RPH3AL: variants seen among roughly 807,000 people sequenced by gnomAD.
The protein encoded by RPH3AL is rabphilin 3A like (without C2 domains).
In RPH3AL, 38 loss-of-function variants were observed where a neutral mutation model predicts 43.1. That is an observed-to-expected ratio of 0.88 (90% CI 0.68 to 1.15). RPH3AL has a LOEUF of 1.15. Ranked by LOEUF, RPH3AL falls within the 50% of genes most tolerant of loss-of-function variation. The pLI is 0.00. For synonymous variants in RPH3AL, 189 were observed against 176.3 expected, an observed-to-expected ratio of 1.07 and a Z score of -0.57; for missense variants, 462 against 423.2, an observed-to-expected ratio of 1.09 and a Z score of -0.81.
At chr17:281,563 T>G (rs1655098885) in intron 6 of RPH3AL, among the ~76,000 whole-genome samples, 1 of 151,878 alleles carries the variant, frequency 6.6e-6, no homozygotes, top group Admixed American at 6.6e-5. Context: ...CCACAGGCTG[T>G]CCCTCCGTGC....
At chr17:338,783 A>C (rs1454575368) in intron 1 of RPH3AL, 2 of 152,248 alleles carry the variant, frequency 1.3e-5, no homozygotes, top group African/African-American at 4.8e-5. Flanking sequence ...CCACCTGGGA[A>C]CTGCTTGTTG....
chr17:337,547 T>C (rs1375645222), intron 1 of RPH3AL, among the ~76,000 whole-genome samples: 1 of 152,238 alleles, frequency 6.6e-6, no homozygotes, highest in Non-Finnish European at 1.5e-5. Flanking sequence ...CTTTCTTGCC[T>C]GTGTGCTTTG....
At chr17:257,683 C>T (rs1262841841) in intron 6 of RPH3AL, among the ~76,000 whole-genome samples, 4 of 45,718 alleles carry the variant, frequency 8.7e-5, no homozygotes, top group Non-Finnish European at 1.3e-4. Flanking sequence ...TGTCCTTTTC[C>T]GTCCCTAGGA....
chr17:344,106 T>G (rs1269838700), intron 1 of RPH3AL, among the ~76,000 whole-genome samples: 1 of 131,182 alleles, frequency 7.6e-6, no homozygotes, highest in African/African-American at 2.6e-5. Context: ...ACCATCATAT[T>G]CACCTCCAGT....
At position 215,644 on chromosome 17, in the gene RPH3AL, G is replaced by A. The variant is rs2040779081; in HGVS notation, c.876+10C>T. 7.9e-7 allele frequency: 1 copy of A among 1,273,556 alleles called. No individual in the cohort carries two copies. The highest frequency in any genetic ancestry group is 1.0e-6 in the Non-Finnish European group (1 of 1,005,010). The allele number at this position is 1,273,556 out of a possible 1,614,324, so 78.9% of individuals were successfully genotyped here. A position where few individuals can be genotyped will look rare whatever the true frequency, so the allele number is the denominator to read the frequency against. ...CAGGAGAGGGGAGAAGGCAGCAGTTGGGTACTCACCGGGGCCCTTCGGGTC... is the reference window on the plus strand; with the variant it reads ...CAGGAGAGGGGAGAAGGCAGCAGTTAGGTACTCACCGGGGCCCTTCGGGTC... On this transcript the variant is annotated intron_variant, in intron 9 of 9. Transcript: ENST00000331302. The surrounding 1 kb of genome is among the most constrained non-coding windows in gnomAD (Gnocchi z 4.1).
At chr17:335,280 G>A (rs1040510902) in intron 1 of RPH3AL, among the ~76,000 whole-genome samples, 7 of 152,172 alleles carry the variant, frequency 4.6e-5, no homozygotes, top group Non-Finnish European at 8.8e-5. Flanking sequence ...ACAGTGGGAA[G>A]GAGGCGGCGG....
At chr17:252,427 G>C (rs77722710) in intron 6 of RPH3AL, among the ~76,000 whole-genome samples, 4,273 of 152,232 alleles carry the variant, frequency 0.028, 87 homozygotes, top group South Asian at 0.092. Flanking sequence ...CATTGCCTGG[G>C]AAAACACACT....
Position 225,115 on chromosome 17 carries a change from G to GAAA in RPH3AL, c.614-5382_614-5380dup, listed in dbSNP as rs34369453. On this transcript the variant is annotated intron_variant, in intron 7 of 9. Transcript: ENST00000331302. The surrounding 1 kb of genome is among the most constrained non-coding windows in gnomAD (Gnocchi z 4.4). ...GTACCCTAGAACTTAAAATATAATG[G>GAAA]AAAAAAAAAAAAAAAGAGTGATGAG... is the stretch of plus-strand genomic sequence containing the variant. Among the ~76,000 whole-genome samples the GAAA allele has an allele frequency of 0.073, 10,208 of 139,016 alleles. 483 individuals are homozygous for GAAA. The highest frequency in any genetic ancestry group is 0.11 in the Non-Finnish European group (7,100 of 64,580). The allele number at this position is 139,016 out of a possible 152,430, so 91.2% of individuals were successfully genotyped here. A position where few individuals can be genotyped will look rare whatever the true frequency, so the allele number is the denominator to read the frequency against.
At chr17:298,954 G>A (rs568703967) in intron 5 of RPH3AL, among the ~76,000 whole-genome samples, 77 of 152,072 alleles carry the variant, frequency 5.1e-4, no homozygotes, top group African/African-American at 1.6e-3. Context: ...TTTCACTCAC[G>A]CTGCTCAAGT....
chr17:236,005 G>A (rs111502633), intron 7 of RPH3AL, among the ~76,000 whole-genome samples: 1 of 104,466 alleles, frequency 9.6e-6, no homozygotes, highest in Admixed American at 8.6e-5. Flanking sequence ...GGGTCCATGG[G>A]TCAAAGCTGG....
intron 6 of RPH3AL, among the ~76,000 whole-genome samples, chr17:248,948 G>C: frequency 6.6e-6 from 1 of 152,104 alleles, no homozygotes; most frequent in Non-Finnish European, 1.5e-5. Flanking sequence ...CGAGGCTGAG[G>C]GAGAGCCAGG....
chr17:224,926 G>A (rs2041071801), intron 7 of RPH3AL, among the ~76,000 whole-genome samples: 3 of 145,052 alleles, frequency 2.1e-5, no homozygotes, highest in Middle Eastern at 3.5e-3. Flanking sequence ...AGAACACTTG[G>A]ACACAGGGTG....
In RPH3AL at chr17:225,261, G is replaced by A. The variant is rs2041082902; in HGVS notation, c.614-5525C>T. On this transcript the variant is annotated intron_variant, in intron 7 of 9. Coordinates refer to ENST00000331302, the MANE Select transcript of RPH3AL (RefSeq NM_006987.4). The surrounding 1 kb of genome is among the most constrained non-coding windows in gnomAD (Gnocchi z 4.4). ...GGACTTTTATGATGCCGCAGCAAGA[G>A]GAGATGGGGATGGGGCATGGCTGTG... Among the ~76,000 whole-genome samples the A allele has an allele frequency of 6.6e-6, 1 of 152,136 alleles. No individual in the cohort carries two copies. The highest frequency in any genetic ancestry group is 1.5e-5 in the Non-Finnish European group (1 of 68,022).
In RPH3AL at chr17:237,515, G is replaced by A. The variant is rs1198306235; in HGVS notation, c.613+9596C>T. ...CAATGACCCAGGCCTCAGAGGAGAA[G>A]GGAAAAGGAATTTGCCTCCCAGCCG... is the stretch of plus-strand genomic sequence containing the variant. On this transcript the variant is annotated intron_variant, in intron 7 of 9. Coordinates refer to ENST00000331302, the MANE Select transcript of RPH3AL (RefSeq NM_006987.4). Among the ~76,000 whole-genome samples the A allele has an allele frequency of 2.6e-5, 4 of 152,228 alleles. No homozygotes were observed. In the East Asian group the frequency reaches 5.8e-4, roughly 22 times the overall value.
intron 2 of RPH3AL, chr17:332,633 C>A: frequency 4.7e-6 from 1 of 213,080 alleles, no homozygotes; most frequent in East Asian, 1.0e-4. Flanking sequence ...ATGCTCAGAG[C>A]AGACAGCTGG....
chr17:305,471 C>G (rs1415458364), intron 5 of RPH3AL, among the ~76,000 whole-genome samples: 1 of 152,132 alleles, frequency 6.6e-6, no homozygotes, highest in Non-Finnish European at 1.5e-5. Flanking sequence ...TGACGTCCCA[C>G]CAGGCAGCTT....
intron 7 of RPH3AL, 62 bp downstream of exon 7, chr17:247,049 C>A: frequency 6.3e-7 from 1 of 1,589,256 alleles, no homozygotes; most frequent in Non-Finnish European, 8.6e-7. Flanking sequence ...CTGCAAACTG[C>A]CGGGCTGGCT....
Position 327,435 on chromosome 17 carries a change from G to A in RPH3AL, c.77+32C>T, listed in dbSNP as rs200870009. On this transcript the variant is annotated intron_variant, in intron 3 of 9. Coordinates refer to ENST00000331302, the MANE Select transcript of RPH3AL (RefSeq NM_006987.4). The stretch of plus-strand genomic sequence containing the variant: ...GAGAGGAGCAGGGAGGCAGAAGGAA[G>A]GGACGGCCTGGGGGGCCCCAGAGGT... 6.6e-4 allele frequency: 1,054 copies of A among 1,593,488 alleles called. 5 individuals are homozygous for A. The highest frequency in any genetic ancestry group is 5.1e-3 in the Middle Eastern group (31 of 6,026).
Position 246,985 on chromosome 17 carries a change from C to A in RPH3AL, c.613+126G>T. ...GTGGAGCTGAGGGCACAGGGAGGGA[C>A]GCATCACCAGAATGAGCCTCGTGGA... On this transcript the variant is annotated intron_variant, in intron 7 of 9. Coordinates refer to ENST00000331302, the MANE Select transcript of RPH3AL (RefSeq NM_006987.4). The surrounding 1 kb of genome is among the most constrained non-coding windows in gnomAD (Gnocchi z 4.8). 2 of 978,032 alleles carry A rather than the reference C, an allele frequency of 2.0e-6. No homozygotes were observed. The highest frequency in any genetic ancestry group is 4.8e-5 in the East Asian group (2 of 41,780). 60.6% of individuals were successfully genotyped at this position (978,032 alleles called of 1,614,324 possible).
Sources: allele counts gnomAD v4.1 joint callset (sites outside exome capture counted in the v4.1 genomes callset), GRCh38; gene constraint gnomAD v4.1.1; non-coding constraint Gnocchi (gnomAD v3.1); transcripts MANE v1.5; gene names NCBI Gene and HGNC (gene_info 2026-07-23, HGNC 2026-07-21).